The following IFT88 variants were observed in gnomAD, a reference collection of about 807,000 sequenced individuals.
IFT88 encodes the protein intraflagellar transport 88, also known as intraflagellar transport protein 88 homolog.
Under a neutral mutation model 119.5 loss-of-function variants are expected in IFT88, and 74 were observed. That is an observed-to-expected ratio of 0.62 (90% CI 0.51 to 0.75). The LOEUF (loss-of-function observed/expected upper bound fraction) is 0.75, where lower values mean the gene tolerates loss of function less well. Ranked by LOEUF, IFT88 falls within the 30% of genes least tolerant of loss-of-function variation. The pLI is 0.00. For missense variants in IFT88, 961 were observed against 977.7 expected (o/e 0.98, Z 0.23); for synonymous variants, 279 against 316.7 (o/e 0.88, Z 1.26).
rs2141076916 is a variant in IFT88, at chr13:20,676,063, A to T, written c.2242+5024A>T. 2.0e-5 allele frequency among the ~76,000 whole-genome samples: 3 copies of T among 152,318 alleles called. 1 individual carries two copies. The highest frequency in any genetic ancestry group is 2.0e-4 in the Admixed American group (3 of 15,292). ...AGTGAACTTCTCTTAAAACCACCTT[A>T]GTTGTTTACAACTCACCCACCTTAC... On this transcript the variant is annotated intron_variant, in intron 24 of 25. Coordinates refer to ENST00000351808, the MANE Select transcript of IFT88 (RefSeq NM_006531.5).
At chr13:20,682,011 G>A (rs1444110160) in intron 24 of IFT88, among the ~76,000 whole-genome samples, 7 of 152,198 alleles carry the variant, frequency 4.6e-5, no homozygotes, top group Admixed American at 4.6e-4. Context: ...TTTGTTTTCG[G>A]AAAGTGATTA....
chr13:20,567,550 G>A (rs1405125236), intron 1 of IFT88: 1 of 168,828 alleles, frequency 5.9e-6, no homozygotes, highest in Non-Finnish European at 1.2e-5. Flanking sequence ...TGACCGCTTG[G>A]CGATGTCCCA....
chr13:20,640,824 A>G (rs1259958986), intron 17 of IFT88, among the ~76,000 whole-genome samples: 1 of 151,882 alleles, frequency 6.6e-6, no homozygotes, highest in East Asian at 1.9e-4. Context: ...CCAGTGGAGA[A>G]TCCCCACCCT....
intron 24 of IFT88, among the ~76,000 whole-genome samples, chr13:20,676,132 T>G (rs1035409257): frequency 1.3e-5 from 2 of 152,242 alleles, no homozygotes; most frequent in Non-Finnish European, 2.9e-5. Flanking sequence ...ATTTTGTATC[T>G]TCAACAGAAC....
chr13:20,622,780 C>CCTGTTGATA (rs1441341370), intron 14 of IFT88, among the ~76,000 whole-genome samples: 1 of 152,044 alleles, frequency 6.6e-6, no homozygotes, highest in African/African-American at 2.4e-5. Context: ...TGTGGATTAC[C>CCTGTTGATA]TTTTTACTCT....
rs370472691 is a variant in IFT88 at position 20,617,435 on chromosome 13, C to T, written c.1199+1556C>T. 6.6e-4 allele frequency among the ~76,000 whole-genome samples: 101 copies of T among 152,242 alleles called. 1 individual carries two copies. The South Asian group carries it at 0.016, about 24-fold the overall frequency. Reference sequence around the variant, plus strand: ...TGAGAAAAGAGAAGTCAAACAAAGCCGATACGTGCAGCCCTGTCTATAGAA... The same window carrying T: ...TGAGAAAAGAGAAGTCAAACAAAGCTGATACGTGCAGCCCTGTCTATAGAA... On this transcript the variant is annotated intron_variant, in intron 14 of 25. Transcript: ENST00000351808.
At chr13:20,681,608 C>T (rs1438189734) in intron 24 of IFT88, among the ~76,000 whole-genome samples, 2 of 152,184 alleles carry the variant, frequency 1.3e-5, no homozygotes, top group African/African-American at 4.8e-5. Context: ...AGTCAAAAGT[C>T]CTGGAAGAGT....
intron 23 of IFT88, among the ~76,000 whole-genome samples, chr13:20,666,857 C>CATCACTGTT (rs2036122467): frequency 6.6e-6 from 1 of 152,212 alleles, no homozygotes; most frequent in Non-Finnish European, 1.5e-5. Flanking sequence ...ACCACTTAGA[C>CATCACTGTT]ATCACTGTTA....
chr13:20,584,380 A>G (rs1453338161), intron 3 of IFT88, among the ~76,000 whole-genome samples: 1 of 152,140 alleles, frequency 6.6e-6, no homozygotes, highest in East Asian at 1.9e-4. Context: ...ATGATTTCTT[A>G]TGTTATTCAA....
At chr13:20,573,456 G>A (rs1177855931) in intron 1 of IFT88, among the ~76,000 whole-genome samples, 2 of 152,048 alleles carry the variant, frequency 1.3e-5, no homozygotes, top group African/African-American at 4.8e-5. Flanking sequence ...TTTTAGAATT[G>A]TATTTTATGC....
chr13:20,641,978 A>G (rs1026421236), intron 18 of IFT88: 2 of 152,250 alleles, frequency 1.3e-5, no homozygotes, highest in East Asian at 1.9e-4. Flanking sequence ...AGGGGAATGT[A>G]GAACTACAAA....
intron 16 of IFT88, among the ~76,000 whole-genome samples, chr13:20,638,078 A>G (rs1216530794): frequency 6.6e-6 from 1 of 152,184 alleles, no homozygotes; most frequent in African/African-American, 2.4e-5. Flanking sequence ...TTGAGTATGG[A>G]ACCACCTACA....
chr13:20,611,371 A>C (rs139140331), intron 13 of IFT88, among the ~76,000 whole-genome samples: 1,785 of 151,700 alleles, frequency 0.012, 35 homozygotes, highest in African/African-American at 0.041. Flanking sequence ...CTACAAAAAA[A>C]TACAAAAATT....
chr13:20,674,718 A>ATT (rs1566450350), intron 24 of IFT88, among the ~76,000 whole-genome samples: 1 of 27,826 alleles, frequency 3.6e-5, no homozygotes, highest in African/African-American at 1.7e-4. Flanking sequence ...ATATATATAT[A>ATT]TATATATTTT....
At chr13:20,667,064 C>A (rs2140919397) in intron 23 of IFT88, among the ~76,000 whole-genome samples, 1 of 152,282 alleles carries the variant, frequency 6.6e-6, no homozygotes, top group South Asian at 2.1e-4. Flanking sequence ...ACTTTGTGCT[C>A]CATATTTTGT....
chr13:20,637,054 A>G (rs1352242183), intron 16 of IFT88, among the ~76,000 whole-genome samples: 1 of 152,234 alleles, frequency 6.6e-6, no homozygotes, highest in African/African-American at 2.4e-5. Flanking sequence ...AAAAGACTGC[A>G]TATTTTATGA....
At chr13:20,638,914 A>T (rs1275265920) in intron 17 of IFT88, among the ~76,000 whole-genome samples, 1 of 152,222 alleles carries the variant, frequency 6.6e-6, no homozygotes, top group Non-Finnish European at 1.5e-5. Context: ...TACACACAAG[A>T]AATAAGTACC....
At chr13:20,617,456 T>C (rs948366746) in intron 14 of IFT88, among the ~76,000 whole-genome samples, 2 of 152,224 alleles carry the variant, frequency 1.3e-5, no homozygotes, top group Non-Finnish European at 2.9e-5. Flanking sequence ...GCCCTGTCTA[T>C]AGAATCCTTC....
At chr13:20,570,214 G>T (rs2036040357) in intron 1 of IFT88, among the ~76,000 whole-genome samples, 1 of 152,066 alleles carries the variant, frequency 6.6e-6, no homozygotes, top group Non-Finnish European at 1.5e-5. Flanking sequence ...TCAAAAACAG[G>T]AACAGTAACA....
Sources: gnomAD v4.1 joint callset for allele counts (sites outside exome capture counted in the v4.1 genomes callset) on GRCh38, gnomAD v4.1.1 for gene constraint, MANE v1.5 for transcripts, NCBI Gene and HGNC (gene_info 2026-07-23, HGNC 2026-07-21) for gene names.